Variants in CTNNA2 observed in about 807,000 individuals in gnomAD.
The protein encoded by CTNNA2 is catenin alpha-2.
A neutral mutation model predicts 101.0 loss-of-function variants in CTNNA2; 42 were observed. That is an observed-to-expected ratio of 0.42 (90% CI 0.32 to 0.54). The LOEUF (loss-of-function observed/expected upper bound fraction) is 0.54. CTNNA2 is among the 20% of genes least tolerant of loss of function. The pLI, the probability that CTNNA2 is intolerant of heterozygous loss-of-function variation, is 0.14. For missense variants in CTNNA2, 871 were observed against 1,223.1 expected, an observed-to-expected ratio of 0.71 and a Z score of 4.29; for synonymous variants, 450 against 456.4, an observed-to-expected ratio of 0.99 and a Z score of 0.18.
chr2:80,185,325 G>A (rs56741455), intron 7 of CTNNA2, among the ~76,000 whole-genome samples: 34,417 of 152,150 alleles, frequency 0.23, 6,017 homozygotes, highest in African/African-American at 0.49. Context: ...GCAAGAGAGG[G>A]AGTAGTAACA....
intron 7 of CTNNA2, among the ~76,000 whole-genome samples, chr2:80,153,699 A>G (rs1160408465): frequency 6.6e-6 from 1 of 152,190 alleles, no homozygotes; most frequent in Non-Finnish European, 1.5e-5. Flanking sequence ...ATGGAGAATG[A>G]TATAGCTAAT....
chr2:79,648,919 C>A (rs1347836369), intron 1 of CTNNA2, among the ~76,000 whole-genome samples: 1 of 152,160 alleles, frequency 6.6e-6, no homozygotes. Flanking sequence ...GTAACCTTTT[C>A]TTTGCTACTG....
At position 79,990,921 on chromosome 2, in the gene CTNNA2, G is replaced by A. The variant is rs185784250; in HGVS notation, c.1056+81124G>A. Among the ~76,000 whole-genome samples the A allele has an allele frequency of 2.6e-5, 4 of 152,196 alleles. No individual in the cohort carries two copies. The East Asian group carries it at 7.8e-4, about 30-fold the overall frequency. On this transcript the variant is annotated intron_variant, in intron 7 of 18. Coordinates refer to ENST00000402739, the MANE Select transcript of CTNNA2 (RefSeq NM_001282597.3). ...TCCGTCTGGTCCTGGACTTTTTTTG[G>A]TTGGTAAGCTATTATTATCTCAATT...
intron 7 of CTNNA2, among the ~76,000 whole-genome samples, chr2:80,014,179 A>T (rs72922673): frequency 0.034 from 5,180 of 152,216 alleles, 235 homozygotes; most frequent in African/African-American, 0.096. Context: ...CACTGTACTC[A>T]TTATTTTTAT....
At chr2:79,395,875 T>A (rs2104476213) in intron 4 of CTNNA2, among the ~76,000 whole-genome samples, 1 of 152,286 alleles carries the variant, frequency 6.6e-6, no homozygotes, top group African/African-American at 2.4e-5. Flanking sequence ...GAAATGGAAA[T>A]TATAACAGGC....
In CTNNA2 at chr2:79,493,155, C is replaced by A. The variant is rs141457096; in HGVS notation, c.-134-11899C>A. ...TGCTCTTTCCATTGTTATTTAACAT[C>A]ATACTGGAAATTCTAACCAAGACAA... is the stretch of plus-strand genomic sequence containing the variant. On this transcript the variant is annotated intron_variant, in intron 4 of 21. Coordinates refer to the CTNNA2 transcript ENST00000466387. Among the ~76,000 whole-genome samples, 3 of 149,100 alleles carry A rather than the reference C, an allele frequency of 2.0e-5. No individual in the cohort carries two copies. The Admixed American group carries it at 2.0e-4, about 10-fold the overall frequency.
chr2:79,465,522 G>C (rs928257023), intron 4 of CTNNA2, among the ~76,000 whole-genome samples: 2 of 152,168 alleles, frequency 1.3e-5, no homozygotes, highest in African/African-American at 4.8e-5. Context: ...TGTGAAGAAA[G>C]TCATTGGAAG....
At chr2:79,278,938 C>T (rs950312798) in intron 2 of CTNNA2, among the ~76,000 whole-genome samples, 1 of 152,002 alleles carries the variant, frequency 6.6e-6, no homozygotes, top group African/African-American at 2.4e-5. Context: ...TCAGAGAATT[C>T]ATAGAAAGTG....
At chr2:79,739,671 A>T (rs1671146348) in intron 2 of CTNNA2, among the ~76,000 whole-genome samples, 1 of 152,246 alleles carries the variant, frequency 6.6e-6, no homozygotes, top group Non-Finnish European at 1.5e-5. Flanking sequence ...GCTGCATCAG[A>T]CACTTAAAAA....
In CTNNA2 at chr2:79,974,545, A is replaced by G. The variant is rs61343678; in HGVS notation, c.1056+64748A>G. 3.9e-5 allele frequency among the ~76,000 whole-genome samples: 6 copies of G among 152,298 alleles called. No individual in the cohort carries two copies. In the East Asian group the frequency reaches 9.7e-4, roughly 25 times the overall value. On this transcript the variant is annotated intron_variant, in intron 7 of 18. Transcript: ENST00000402739. ...AAGTTCTTCATCTTCAGTCTTCAAC[A>G]TCATCCCTTAGCAGCATTCCTAGTC...
At chr2:79,936,880 C>T (rs1374253095) in intron 7 of CTNNA2, among the ~76,000 whole-genome samples, 1 of 152,156 alleles carries the variant, frequency 6.6e-6, no homozygotes, top group Non-Finnish European at 1.5e-5. Context: ...TATCTCCTCC[C>T]CACACTCACC....
chr2:80,066,627 C>G (rs1405827411), intron 7 of CTNNA2, among the ~76,000 whole-genome samples: 1 of 152,110 alleles, frequency 6.6e-6, no homozygotes, highest in Admixed American at 6.5e-5. Flanking sequence ...AACCCTTTAA[C>G]ACTGTTGGTG....
At chr2:79,947,310 T>C (rs73938427) in intron 7 of CTNNA2, among the ~76,000 whole-genome samples, 2,400 of 152,294 alleles carry the variant, frequency 0.016, 81 homozygotes, top group African/African-American at 0.055. Flanking sequence ...AACACATAGA[T>C]GGGTCAAATA....
At chr2:79,474,665 C>G (rs1573183261) in intron 4 of CTNNA2, among the ~76,000 whole-genome samples, 1 of 152,038 alleles carries the variant, frequency 6.6e-6, no homozygotes, top group African/African-American at 2.4e-5. Context: ...AATGAACTGT[C>G]TTTTTAATGC....
At chr2:80,134,167 T>G (rs1702563368) in intron 7 of CTNNA2, among the ~76,000 whole-genome samples, 1 of 152,302 alleles carries the variant, frequency 6.6e-6, no homozygotes, top group Non-Finnish European at 1.5e-5. Context: ...CAACAATCAT[T>G]ACTAACTTGA....
At chr2:80,513,218 C>T (rs1041295862) in intron 9 of CTNNA2, among the ~76,000 whole-genome samples, 2 of 152,218 alleles carry the variant, frequency 1.3e-5, no homozygotes, top group Admixed American at 1.3e-4. Flanking sequence ...CCATTAGCTC[C>T]TCTTTCAGGA....
At chr2:79,602,847 T>C (rs1677635402) in intron 1 of CTNNA2, among the ~76,000 whole-genome samples, 1 of 152,102 alleles carries the variant, frequency 6.6e-6, no homozygotes, top group African/African-American at 2.4e-5. Context: ...ATGTTTGGGA[T>C]GAGAGAAATC....
intron 1 of CTNNA2, among the ~76,000 whole-genome samples, chr2:79,521,161 TATATATAA>T (rs1304562959): frequency 8.9e-5 from 9 of 101,564 alleles, no homozygotes; most frequent in African/African-American, 2.5e-4. Context: ...TATATATATA[TATATATAA>T]ATTTTAAGGT....
chr2:79,521,773 T>C (rs1223907683), intron 1 of CTNNA2, among the ~76,000 whole-genome samples: 2 of 152,102 alleles, frequency 1.3e-5, no homozygotes, highest in Non-Finnish European at 2.9e-5. Flanking sequence ...CAACTTTTTA[T>C]TGTGGGAGAG....
Sources: allele counts gnomAD v4.1 joint callset (sites outside exome capture counted in the v4.1 genomes callset), GRCh38; gene constraint gnomAD v4.1.1; transcripts MANE v1.5; gene names NCBI Gene and HGNC (gene_info 2026-07-23, HGNC 2026-07-21).